Variants in PTPN9 observed in about 807,000 individuals in gnomAD.
The protein encoded by PTPN9 is protein tyrosine phosphatase non-receptor type 9, also known as tyrosine-protein phosphatase non-receptor type 9.
Under a neutral mutation model 69.8 loss-of-function variants are expected in PTPN9, and 26 were observed. The observed-to-expected ratio is 0.37, with a 90% CI of 0.27 to 0.52. The LOEUF (loss-of-function observed/expected upper bound fraction) is 0.52, where lower values mean the gene tolerates loss of function less well. Among genes scored for constraint, PTPN9 ranks in the 20% least tolerant of loss-of-function variants. The pLI, the probability that PTPN9 is intolerant of heterozygous loss-of-function variation, is 0.91. For synonymous variants in PTPN9, 274 were observed against 272.5 expected (o/e 1.01, Z -0.05); for missense variants, 549 against 740.3 (o/e 0.74, Z 3.00).
At chr15:75,540,637 G>A (rs1393289923) in intron 1 of PTPN9, among the ~76,000 whole-genome samples, 4 of 151,612 alleles carry the variant, frequency 2.6e-5, no homozygotes, top group African/African-American at 9.7e-5. Context: ...CTTCCTGTTT[G>A]TACTTTTCAG....
intron 8 of PTPN9, among the ~76,000 whole-genome samples, chr15:75,482,134 G>A (rs1350882956): frequency 1.3e-5 from 2 of 151,538 alleles, no homozygotes; most frequent in East Asian, 3.9e-4. Context: ...TCTGCCTTGG[G>A]ATCCTGTTGA....
chr15:75,503,811 G>A (rs1336723913), intron 7 of PTPN9, among the ~76,000 whole-genome samples: 48 of 117,980 alleles, frequency 4.1e-4, no homozygotes, highest in Non-Finnish European at 6.7e-4. Context: ...AGGTGGGGGG[G>A]TCAGCCCCCC....
intron 7 of PTPN9, among the ~76,000 whole-genome samples, chr15:75,498,454 C>T (rs1460947771): frequency 6.6e-6 from 1 of 151,992 alleles, no homozygotes; most frequent in African/African-American, 2.4e-5. Flanking sequence ...GTGGCTCACA[C>T]CTGTAATCCC....
At chr15:75,575,158 A>G (rs1298629852) in intron 1 of PTPN9, among the ~76,000 whole-genome samples, 1 of 59,712 alleles carries the variant, frequency 1.7e-5, no homozygotes, top group East Asian at 4.2e-4. Context: ...TATTTTTAGT[A>G]GAGGCGGGGT....
At chr15:75,522,971 T>A in intron 4 of PTPN9, 150 bp downstream of exon 4, 1 of 919,580 alleles carries the variant, frequency 1.1e-6, no homozygotes, top group Non-Finnish European at 1.6e-6. Flanking sequence ...ACATGCCGAG[T>A]TCTAAAGGAC....
chr15:75,566,670 C>T (rs1181589609), intron 1 of PTPN9, among the ~76,000 whole-genome samples: 1 of 150,748 alleles, frequency 6.6e-6, no homozygotes, highest in African/African-American at 2.4e-5. Flanking sequence ...CAGAGTCTCA[C>T]TCTGTCTCAA....
At chr15:75,540,857 C>T (rs967119356) in intron 1 of PTPN9, among the ~76,000 whole-genome samples, 2 of 151,250 alleles carry the variant, frequency 1.3e-5, no homozygotes, top group East Asian at 2.0e-4. Context: ...GTGGGAGGAT[C>T]GCTTGAGCCC....
intron 8 of PTPN9, chr15:75,480,534 G>A (rs1255551913): frequency 5.7e-6 from 2 of 352,860 alleles, no homozygotes; most frequent in Non-Finnish European, 9.3e-6. Flanking sequence ...GGCTGGGGTC[G>A]GTGGCTTAGG....
At chr15:75,504,809 G>A (rs1046096068) in intron 7 of PTPN9, among the ~76,000 whole-genome samples, 1 of 138,892 alleles carries the variant, frequency 7.2e-6, no homozygotes, top group Admixed American at 6.9e-5. Flanking sequence ...GGGGGGGTCA[G>A]CCCCCCGCCT....
At chr15:75,479,800 C>A in intron 9 of PTPN9, 48 bp downstream of exon 9, 1 of 1,464,938 alleles carries the variant, frequency 6.8e-7, no homozygotes, top group South Asian at 1.2e-5. Context: ...CACAAGGAAT[C>A]ATAAGTAGAT....
Position 75,578,740 on chromosome 15 carries a change from G to A in PTPN9, c.37C>T (p.Pro13Ser). Reference sequence around the variant, plus strand: ...TGCTCCTCCTCCGGGGTCAGCTCCGGCGCCATGTCGGGCCGGGGCGCGGTC... The same window carrying A: ...TGCTCCTCCTCCGGGGTCAGCTCCGACGCCATGTCGGGCCGGGGCGCGGTC... ...PATAPRPDMA[P>S]ELTPEEEQAT... Residue 13 changes from proline (P) to serine (S), a missense_variant, in exon 1 of 13, where the codon CCG becomes TCG. Physicochemically the swap from Pro to Ser is moderately conservative, Grantham distance 74 (BLOSUM62 -1). Coordinates refer to ENST00000618819, the MANE Select transcript of PTPN9 (RefSeq NM_002833.4). The A allele has an allele frequency of 7.6e-7, 1 of 1,323,938 alleles. No individual in the cohort carries two copies. The highest frequency in any genetic ancestry group is 9.6e-7 in the Non-Finnish European group (1 of 1,036,360). The allele number at this position is 1,323,938 out of a possible 1,614,324, so 82.0% of individuals were successfully genotyped here.
At chr15:75,489,174 CAAAAAAAAAA>C (rs35540489) in intron 8 of PTPN9, among the ~76,000 whole-genome samples, 20 of 64,230 alleles carry the variant, frequency 3.1e-4, no homozygotes, top group African/African-American at 9.6e-4. Flanking sequence ...GACTCCGTCT[CAAAAAAAAAA>C]AAAAAAAAAA....
chr15:75,482,303 C>T (rs1215108910), intron 8 of PTPN9, among the ~76,000 whole-genome samples: 7 of 152,140 alleles, frequency 4.6e-5, no homozygotes, highest in East Asian at 1.9e-4. Flanking sequence ...CGGTGGCTCA[C>T]GCCTGTAATC....
chr15:75,557,275 A>G (rs1366166103), intron 1 of PTPN9, among the ~76,000 whole-genome samples: 7 of 152,066 alleles, frequency 4.6e-5, no homozygotes, highest in African/African-American at 1.7e-4. Context: ...AAATACAAAA[A>G]TTAGCTGGGT....
chr15:75,488,172 T>G (rs1275331381), intron 8 of PTPN9, among the ~76,000 whole-genome samples: 5 of 152,018 alleles, frequency 3.3e-5, no homozygotes, highest in Non-Finnish European at 7.4e-5. Flanking sequence ...TCCCAGCTAC[T>G]CGGGAGGCTG....
rs1376859497 is a variant in PTPN9 at position 75,505,882 on chromosome 15, A to G, written c.761T>C (p.Val254Ala). Residue 254 changes from valine (V) to alanine (A), a missense_variant, in exon 7 of 13, where the codon GTG (valine) becomes GCG (alanine). Val to Ala is a moderately conservative substitution (Grantham distance 64, BLOSUM62 0). Transcript: ENST00000618819. The stretch of plus-strand genomic sequence containing the variant: ...ATCGAAGGGATCTGGGTGGCCGTTC[A>G]CCTGGGGTAGGAACTGGAAATTCCA... ...ATWNFQFLPQ[V>A]NGHPDPFDEI... 2 of 1,614,078 alleles carry G rather than the reference A, an allele frequency of 1.2e-6. No individual in the cohort carries two copies. The highest frequency in any genetic ancestry group is 1.7e-6 in the Non-Finnish European group (2 of 1,180,000).
At chr15:75,540,893 C>T (rs925598758) in intron 1 of PTPN9, among the ~76,000 whole-genome samples, 3 of 151,474 alleles carry the variant, frequency 2.0e-5, no homozygotes, top group African/African-American at 4.9e-5. Flanking sequence ...GCCTGGGCAA[C>T]ACAGGGAAAC....
At chr15:75,472,794 A>AG (rs10622918) in intron 10 of PTPN9, among the ~76,000 whole-genome samples, 33 of 149,736 alleles carry the variant, frequency 2.2e-4, no homozygotes, top group Non-Finnish European at 2.5e-4. Context: ...AAAAAAAAAA[A>AG]GATATTAGCC....
intron 5 of PTPN9, among the ~76,000 whole-genome samples, chr15:75,512,032 A>C (rs944231184): frequency 1.3e-5 from 2 of 151,914 alleles, no homozygotes; most frequent in African/African-American, 4.8e-5. Context: ...TTTAGCAGAG[A>C]TGGGTTTTCA....
Sources: gnomAD v4.1 joint callset for allele counts (sites outside exome capture counted in the v4.1 genomes callset) on GRCh38, gnomAD v4.1.1 for gene constraint, MANE v1.5 for transcripts, NCBI Gene and HGNC (gene_info 2026-07-23, HGNC 2026-07-21) for gene names.